Variants in AKT2 observed in about 807,000 individuals in gnomAD.
AKT2 encodes AKT serine/threonine kinase 2, also known as RAC-beta serine/threonine-protein kinase.
Under a neutral mutation model 58.6 loss-of-function variants are expected in AKT2, and 16 were observed. That is an observed-to-expected ratio of 0.27 (90% CI 0.18 to 0.41). AKT2 has a LOEUF of 0.41. Ranked by LOEUF, AKT2 falls within the 10% of genes least tolerant of loss-of-function variation. The pLI is 1.00. For synonymous variants in AKT2, 253 were observed against 254.0 expected, an observed-to-expected ratio of 1.00 and a Z score of 0.04; for missense variants, 438 against 661.0, an observed-to-expected ratio of 0.66 and a Z score of 3.70.
chr19:40,239,170 G>A lies in AKT2; in HGVS notation c.640-197C>T. The A allele has an allele frequency of 6.9e-6, 4 of 576,720 alleles. No individual in the cohort carries two copies. The South Asian group carries it at 8.6e-5, about 12-fold the overall frequency. The allele number at this position is 576,720 out of a possible 1,614,324, so 35.7% of individuals were successfully genotyped here. ...TAAGTGAAGGCATGGCTCTGCGGTA[G>A]GAAAGGGTTACATGCTGAACCATCT... On this transcript the variant is annotated intron_variant, in intron 7 of 13. Coordinates refer to ENST00000392038, the MANE Select transcript of AKT2 (RefSeq NM_001626.6).
At chr19:40,240,697 G>A (rs1233150750) in intron 6 of AKT2, 3 of 196,818 alleles carry the variant, frequency 1.5e-5, no homozygotes, top group Middle Eastern at 2.2e-3. Flanking sequence ...CAAAAATCTG[G>A]AGCCACCTGC....
At chr19:40,252,433 C>A (rs1039416910) in intron 4 of AKT2, among the ~76,000 whole-genome samples, 8 of 152,198 alleles carry the variant, frequency 5.3e-5, no homozygotes, top group Admixed American at 1.3e-4. Context: ...AAAATGGAAA[C>A]GAGACCATCT....
rs1404961418 is a variant in AKT2, at chr19:40,271,214, T to TAC, written c.-84-5864_-84-5863insGT. On this transcript the variant is annotated intron_variant, in intron 1 of 13. Transcript: ENST00000392038. The stretch of plus-strand genomic sequence containing the variant: ...AAACATACGTACATACATACATACA[T>TAC]ATATATATATATACACACATATATA... 1.3e-3 allele frequency among the ~76,000 whole-genome samples: 193 copies of TAC among 143,926 alleles called. 1 individual carries two copies. Among genetic ancestry groups the TAC allele is most frequent in the Non-Finnish European group, 2.4e-3 (159 of 66,312 alleles). 94.4% of individuals were successfully genotyped at this position (143,926 alleles called of 152,430 possible). A position where few individuals can be genotyped will look rare whatever the true frequency, so the allele number is the denominator to read the frequency against.
At chr19:40,263,243 C>A (rs1348367820) in intron 2 of AKT2, among the ~76,000 whole-genome samples, 1 of 152,222 alleles carries the variant, frequency 6.6e-6, no homozygotes, top group Admixed American at 6.5e-5. Flanking sequence ...GGCCTCCGCA[C>A]GTGCAGGCCA....
At chr19:40,275,115 C>G (rs1252014982) in intron 1 of AKT2, 1 of 456,804 alleles carries the variant, frequency 2.2e-6, no homozygotes. Flanking sequence ...CAGCGAGAGA[C>G]AGCAGGGACA....
Position 40,237,372 on chromosome 19 carries a change from C to T in AKT2, c.831+597G>A, listed in dbSNP as rs183826700. 6.5e-4 allele frequency: 101 copies of T among 155,268 alleles called. No individual in the cohort carries two copies. Among genetic ancestry groups the T allele is most frequent in the Non-Finnish European group, 8.7e-4 (61 of 69,846 alleles). The allele number at this position is 155,268 out of a possible 1,614,324, so 9.6% of individuals were successfully genotyped here. On this transcript the variant is annotated intron_variant, in intron 9 of 13. Coordinates refer to ENST00000392038, the MANE Select transcript of AKT2 (RefSeq NM_001626.6). The surrounding 1 kb of genome is among the most constrained non-coding windows in gnomAD (Gnocchi z 4.5). ...AAACTATCTTCTAAAATTGGCCGGG[C>T]GCGGGGGCTCATGCCTGTAATCCAA...
At chr19:40,255,438 A>AGTGT (rs3049071) in intron 3 of AKT2, 169 bp from the exon 4 acceptor site, 6,169 of 562,050 alleles carry the variant, frequency 0.011, 35 homozygotes, top group Non-Finnish European at 0.016. Flanking sequence ...CTCAGGGTCT[A>AGTGT]GTGTGTGTGT....
chr19:40,250,647 G>A (rs1461041751), intron 4 of AKT2, among the ~76,000 whole-genome samples: 2 of 152,094 alleles, frequency 1.3e-5, no homozygotes, highest in Non-Finnish European at 2.9e-5. Context: ...GGGCAACATG[G>A]TGAAACCCCA....
Position 40,234,821 on chromosome 19 carries a change from GC to G in AKT2, c.1366+223del, listed in dbSNP as rs1008708991. ...GGGACCGGGCTGCCTCCTGCCCTGA[GC>G]CCCCCGACTGAGCTCCAGAACGTGC... is the stretch of plus-strand genomic sequence containing the variant. On this transcript the variant is annotated intron_variant, in intron 13 of 13. Transcript: ENST00000392038. This position sits in a 1 kb window ranked among gnomAD's most constrained non-coding sequence, Gnocchi z 4.7. The G allele has an allele frequency of 7.8e-6, 5 of 639,262 alleles. No homozygotes were observed. Among genetic ancestry groups the G allele is most frequent in the Non-Finnish European group, 1.1e-5 (4 of 354,676 alleles). 39.6% of individuals were successfully genotyped at this position (639,262 alleles called of 1,614,324 possible).
At chr19:40,255,307 G>A (rs764350328) in intron 3 of AKT2, 38 bp from the exon 4 acceptor site, 1 of 1,545,738 alleles carries the variant, frequency 6.5e-7, no homozygotes, top group Non-Finnish European at 8.9e-7. Flanking sequence ...GGGCTGAGGG[G>A]ATAGCCCTGC....
rs201717577 is a variant in AKT2 at position 40,242,610 on chromosome 19, T to C, written c.365A>G (p.Tyr122Cys). 8.3e-5 allele frequency: 134 copies of C among 1,613,840 alleles called. 1 individual carries two copies. In the South Asian group the frequency reaches 1.2e-3, roughly 14 times the overall value. ...QRAPGEDPMD[Y>C]KCGSPSDSST... is the part of the protein sequence containing the mutation. ...GGAGTCACTGGGGGAGCCACACTTG[T>C]AGTCCATGGGGTCCTCGCCTGGGGC... Residue 122 changes from tyrosine to cysteine, a missense_variant, in exon 5 of 14, where the codon TAC becomes TGC. Coordinates refer to ENST00000392038, the MANE Select transcript of AKT2 (RefSeq NM_001626.6). The surrounding 1 kb of genome is among the most constrained non-coding windows in gnomAD (Gnocchi z 4.3).
rs1973688073 is a variant in AKT2 at position 40,231,247 on chromosome 19, G to C, written c.*2625C>G. 2 of 232,266 alleles carry C rather than the reference G, an allele frequency of 8.6e-6. No homozygotes were observed. The highest frequency in any genetic ancestry group is 4.4e-5 in the African/African-American group (2 of 45,286). The allele number at this position is 232,266 out of a possible 1,614,324, so 14.4% of individuals were successfully genotyped here. A position where few individuals can be genotyped will look rare whatever the true frequency, so the allele number is the denominator to read the frequency against. ...TGGAAGAGGAGAGAGGCACTAAAAA[G>C]ATGAGGTAGCCAGGCCTGTGCCCAC... is the stretch of plus-strand genomic sequence containing the variant. On this transcript the variant is annotated 3_prime_UTR_variant, in exon 14 of 14. Transcript: ENST00000392038.
Position 40,233,521 on chromosome 19 carries a change from A to G in AKT2, c.*351T>C, listed in dbSNP as rs1458994752. 1.6e-6 allele frequency: 1 copy of G among 621,760 alleles called. No homozygotes were observed. The highest frequency in any genetic ancestry group is 1.9e-5 in the Admixed American group (1 of 53,554). 38.5% of individuals were successfully genotyped at this position (621,760 alleles called of 1,614,324 possible). On this transcript the variant is annotated 3_prime_UTR_variant, in exon 14 of 14. Coordinates refer to ENST00000392038, the MANE Select transcript of AKT2 (RefSeq NM_001626.6). This position sits in a 1 kb window ranked among gnomAD's most constrained non-coding sequence, Gnocchi z 4.3. The stretch of plus-strand genomic sequence containing the variant: ...ATGCAGCAGCGCGGAGGCAGACACC[A>G]GCACGACACCCAGGCCAGAAACTCA...
At position 40,238,140 on chromosome 19, in the gene AKT2, C is replaced by T. The variant is rs1453720526; in HGVS notation, c.709-49G>A. The stretch of plus-strand genomic sequence containing the variant: ...AGGAGGTCAGGCCCCAGCCCACCCA[C>T]CTGCCCTCACCTTCCCAGCCCCCTG... On this transcript the variant is annotated intron_variant, in intron 8 of 13. Transcript: ENST00000392038. The surrounding 1 kb of genome is among the most constrained non-coding windows in gnomAD (Gnocchi z 5.1). 1 of 1,555,118 alleles carries T rather than the reference C, an allele frequency of 6.4e-7. No individual in the cohort carries two copies. Among genetic ancestry groups the T allele is most frequent in the South Asian group, 1.2e-5 (1 of 84,590 alleles).
intron 1 of AKT2, chr19:40,280,671 G>A (rs529871631): frequency 5.9e-5 from 9 of 152,664 alleles, no homozygotes; most frequent in Non-Finnish European, 1.3e-4. Context: ...GCCTCCGTGA[G>A]GCTTGTCCCT....
chr19:40,275,776 G>T (rs1474771582), intron 1 of AKT2, among the ~76,000 whole-genome samples: 1 of 93,918 alleles, frequency 1.1e-5, no homozygotes, highest in Admixed American at 1.0e-4. Context: ...GGGGGGGGGG[G>T]GGTGGGCGGG....
In AKT2 at chr19:40,238,980, GA is replaced by G; in HGVS notation, c.640-8del. 3.1e-6 allele frequency: 5 copies of G among 1,611,828 alleles called. No homozygotes were observed. The highest frequency in any genetic ancestry group is 4.2e-6 in the Non-Finnish European group (5 of 1,178,676). ...GGAAGGCATACTTCAGCGCCTGGGG[GA>G]TGAAGGCAGCAGGGTGGGAGGTGGG... On this transcript the variant is annotated splice_region_variant and splice_polypyrimidine_tract_variant and intron_variant, in intron 7 of 13. Coordinates refer to ENST00000392038, the MANE Select transcript of AKT2 (RefSeq NM_001626.6). This position sits in a 1 kb window ranked among gnomAD's most constrained non-coding sequence, Gnocchi z 5.1.
At chr19:40,276,007 G>A (rs1241960278) in intron 1 of AKT2, among the ~76,000 whole-genome samples, 5 of 145,724 alleles carry the variant, frequency 3.4e-5, no homozygotes, top group South Asian at 2.2e-4. Context: ...GCAAGACTCC[G>A]TCTCAAAAAA....
chr19:40,241,272 A>G (rs545370894), intron 6 of AKT2: 12 of 159,498 alleles, frequency 7.5e-5, no homozygotes, highest in South Asian at 5.4e-4. Flanking sequence ...TCACATCAGG[A>G]ATGAACAGCT....
Sources: allele counts gnomAD v4.1 joint callset (sites outside exome capture counted in the v4.1 genomes callset), GRCh38; gene constraint gnomAD v4.1.1; non-coding constraint Gnocchi (gnomAD v3.1); transcripts MANE v1.5; gene names NCBI Gene and HGNC (gene_info 2026-07-23, HGNC 2026-07-21).